Variants in GRHL2 observed in about 807,000 individuals in gnomAD.
The protein encoded by GRHL2 is grainyhead-like protein 2 homolog.
Under a neutral mutation model 83.8 loss-of-function variants are expected in GRHL2, and 21 were observed. That is an observed-to-expected ratio of 0.25 (90% CI 0.18 to 0.36). GRHL2 has a LOEUF of 0.36. Among genes scored for constraint, GRHL2 ranks in the 10% least tolerant of loss-of-function variants. GRHL2 has a pLI of 1.00. For missense variants in GRHL2, 623 were observed against 781.8 expected (o/e 0.80, Z 2.42); for synonymous variants, 280 against 278.9 (o/e 1.00, Z -0.04).
chr8:101,656,944 C>T (rs75015025), intron 14 of GRHL2, among the ~76,000 whole-genome samples: 2,166 of 149,694 alleles, frequency 0.014, 58 homozygotes, highest in African/African-American at 0.052. Context: ...GAGAGGCAGA[C>T]TGTGTTTCCC....
chr8:101,549,159 G>A (rs1276022352), intron 2 of GRHL2, among the ~76,000 whole-genome samples: 1 of 152,052 alleles, frequency 6.6e-6, no homozygotes, highest in Non-Finnish European at 1.5e-5. Context: ...GAGGGGTGGG[G>A]CATGTTCTAG....
At chr8:101,569,695 T>C (rs1042074157) in intron 4 of GRHL2, among the ~76,000 whole-genome samples, 3 of 152,194 alleles carry the variant, frequency 2.0e-5, no homozygotes, top group African/African-American at 7.2e-5. Flanking sequence ...GGTCTGAAAC[T>C]CCTGGCTTCA....
At chr8:101,616,665 C>A (rs1187642787) in intron 8 of GRHL2, among the ~76,000 whole-genome samples, 1 of 152,158 alleles carries the variant, frequency 6.6e-6, no homozygotes, top group Non-Finnish European at 1.5e-5. Context: ...CCTGGGGCCT[C>A]TGTGCACACC....
At chr8:101,500,661 A>T (rs1254054498) in intron 1 of GRHL2, among the ~76,000 whole-genome samples, 1 of 152,116 alleles carries the variant, frequency 6.6e-6, no homozygotes, top group Non-Finnish European at 1.5e-5. Flanking sequence ...GGTGTGCGCC[A>T]CTATGCCCGG....
intron 1 of GRHL2, among the ~76,000 whole-genome samples, chr8:101,501,214 T>C (rs537715771): frequency 6.6e-6 from 1 of 152,328 alleles, no homozygotes; most frequent in African/African-American, 2.4e-5. Context: ...TGAAGTACCT[T>C]ATTTTACTTT....
intron 7 of GRHL2, among the ~76,000 whole-genome samples, chr8:101,592,106 T>TC (rs1468880033): frequency 1.2e-4 from 16 of 133,906 alleles, no homozygotes; most frequent in Non-Finnish European, 2.2e-4. Flanking sequence ...TTTTCTTTTT[T>TC]TTTTTTTTTT....
chr8:101,543,242 A>G lies in GRHL2; in HGVS notation c.22A>G (p.Asn8Asp), dbSNP rs1210864412. 1.2e-6 allele frequency: 2 copies of G among 1,613,296 alleles called. No homozygotes were observed. The highest frequency in any genetic ancestry group is 1.7e-5 in the Admixed American group (1 of 60,014). MSQESDN[N>D]KRLVALVPMP... ...CTCACATTTCTCTTGTTTTTACAGT[A>G]ATAAAAGACTAGTGGCCTTAGTGCC... The change falls in exon 2 of 16, where the codon AAT becomes GAT. Residue 8 changes from asparagine (N) to aspartate (D), a missense_variant and splice_region_variant. By Grantham distance (23) the Asn-to-Asp change is conservative. Coordinates refer to ENST00000646743, the MANE Select transcript of GRHL2 (RefSeq NM_024915.4).
At chr8:101,583,310 G>C (rs1474477170) in intron 7 of GRHL2, among the ~76,000 whole-genome samples, 1 of 152,226 alleles carries the variant, frequency 6.6e-6, no homozygotes, top group Non-Finnish European at 1.5e-5. Flanking sequence ...GGGATTGAAG[G>C]CATGAATTGC....
intron 6 of GRHL2, among the ~76,000 whole-genome samples, chr8:101,574,032 G>A (rs926762463): frequency 6.6e-6 from 1 of 152,196 alleles, no homozygotes; most frequent in African/African-American, 2.4e-5. Context: ...GAAGGGACAT[G>A]GTTGGAACAT....
intron 1 of GRHL2, among the ~76,000 whole-genome samples, chr8:101,508,521 AAG>A (rs1810386042): frequency 6.6e-6 from 1 of 152,110 alleles, no homozygotes; most frequent in African/African-American, 2.4e-5. Flanking sequence ...GTCAGTAAAA[AAG>A]AGTTTGTTAG....
At chr8:101,591,025 C>T (rs547210381) in intron 7 of GRHL2, among the ~76,000 whole-genome samples, 49 of 152,242 alleles carry the variant, frequency 3.2e-4, no homozygotes, top group African/African-American at 9.9e-4. Flanking sequence ...CTGCCTTTGA[C>T]GGGATTTCCA....
In GRHL2 at chr8:101,558,690, A is replaced by T; in HGVS notation, c.556A>T (p.Ile186Phe). ...AGATGGGGAAGAGCAACGAGTGGTT[A>T]TCTTTGAACAGACTCAGTATGACGT... ...RGDGEEQRVV[I>F]FEQTQYDVPS... is the part of the protein sequence containing the mutation. The change falls in exon 4 of 16, where the codon ATC (isoleucine) becomes TTC (phenylalanine). Residue 186 changes from isoleucine (I) to phenylalanine (F), a missense_variant. Transcript: ENST00000646743. 1 of 1,614,180 alleles carries T rather than the reference A, an allele frequency of 6.2e-7. No homozygotes were observed. The highest frequency in any genetic ancestry group is 8.5e-7 in the Non-Finnish European group (1 of 1,180,040).
At chr8:101,565,363 A>G (rs1811695059) in intron 4 of GRHL2, among the ~76,000 whole-genome samples, 1 of 152,202 alleles carries the variant, frequency 6.6e-6, no homozygotes. Context: ...TTTATTCTGT[A>G]CTACAGTTTT....
intron 13 of GRHL2, among the ~76,000 whole-genome samples, chr8:101,648,876 G>A (rs1813564939): frequency 2.0e-5 from 3 of 152,160 alleles, no homozygotes; most frequent in Admixed American, 6.5e-5. Flanking sequence ...TCCAGGTCAC[G>A]GCCAGGCCCC....
chr8:101,500,201 C>T (rs527251729), intron 1 of GRHL2, among the ~76,000 whole-genome samples: 3 of 152,282 alleles, frequency 2.0e-5, no homozygotes, highest in African/African-American at 7.2e-5. Context: ...AGGGAAAATT[C>T]CTTAATGAGC....
At chr8:101,609,534 C>G (rs1812706080) in intron 8 of GRHL2, among the ~76,000 whole-genome samples, 1 of 151,006 alleles carries the variant, frequency 6.6e-6, no homozygotes, top group South Asian at 2.1e-4. Context: ...TATACACGCA[C>G]ATGTGAACAA....
chr8:101,522,491 T>G (rs1014651735), intron 1 of GRHL2, among the ~76,000 whole-genome samples: 2 of 152,196 alleles, frequency 1.3e-5, no homozygotes, highest in African/African-American at 2.4e-5. Flanking sequence ...TGTGGATATG[T>G]GTCCTCCAGC....
intron 9 of GRHL2, among the ~76,000 whole-genome samples, chr8:101,627,138 A>G (rs1478212649): frequency 6.6e-6 from 1 of 152,086 alleles, no homozygotes. Flanking sequence ...AAAATTCTAC[A>G]TTGAACATAC....
At chr8:101,639,534 G>T (rs1813355763) in intron 12 of GRHL2, among the ~76,000 whole-genome samples, 1 of 152,222 alleles carries the variant, frequency 6.6e-6, no homozygotes, top group Admixed American at 6.5e-5. Context: ...TTAAACCTGG[G>T]TTTCACTGCA....
Sources: allele counts gnomAD v4.1 joint callset (sites outside exome capture counted in the v4.1 genomes callset), GRCh38; gene constraint gnomAD v4.1.1; transcripts MANE v1.5; gene names NCBI Gene and HGNC (gene_info 2026-07-23, HGNC 2026-07-21).